The following ATXN8OS variants were observed in gnomAD, a reference collection of about 807,000 sequenced individuals.
ATXN8OS encodes ATXN8 opposite strand (non-protein coding).
At chr13:70,132,708 G>A (rs1888551381) in intron 3 of ATXN8OS, among the ~76,000 whole-genome samples, 2 of 152,128 alleles carry the variant, frequency 1.3e-5, no homozygotes, top group South Asian at 4.1e-4. Flanking sequence ...ACCCTAAATT[G>A]TGTGATTGAG....
At chr13:70,151,084 TAA>T (rs1454458915) in intron 4 of ATXN8OS, among the ~76,000 whole-genome samples, 2 of 152,224 alleles carry the variant, frequency 1.3e-5, no homozygotes, top group African/African-American at 4.8e-5. Flanking sequence ...ATCAAGGTAA[TAA>T]AAATATCTAT....
Position 70,115,027 on chromosome 13 carries a change from C to CGT in ATXN8OS, n.241-94_241-93dup, listed in dbSNP as rs36110832. 8.3e-3 allele frequency: 3,022 copies of CGT among 365,736 alleles called. 35 individuals carry two copies. Among genetic ancestry groups the CGT allele is most frequent in the African/African-American group, 0.04 (1,875 of 47,172 alleles). The allele number at this position is 365,736 out of a possible 1,614,324, so 22.7% of individuals were successfully genotyped here. On this transcript the variant is annotated intron_variant and non_coding_transcript_variant, in intron 1 of 4. Coordinates refer to ENST00000678624, the Ensembl canonical transcript of ATXN8OS. ...TCTCAAAATTGAGCTCTCTTTCTAA[C>CGT]GTGTGTGTGTGTGTGTGTGTGCATG...
At chr13:70,137,869 T>C (rs894202920) in intron 3 of ATXN8OS, among the ~76,000 whole-genome samples, 1 of 152,206 alleles carries the variant, frequency 6.6e-6, no homozygotes, top group African/African-American at 2.4e-5. Flanking sequence ...CACAGTTCCA[T>C]GGTCTGTACA....
chr13:70,130,527 T>C (rs1251881188), intron 3 of ATXN8OS, among the ~76,000 whole-genome samples: 4 of 152,120 alleles, frequency 2.6e-5, no homozygotes, highest in African/African-American at 9.7e-5. Context: ...CAGATATGCA[T>C]AATGTGATGT....
chr13:70,171,381 G>A (rs545742100), exon 5 of ATXN8OS, among the ~76,000 whole-genome samples: 1 of 152,142 alleles, frequency 6.6e-6, no homozygotes, highest in African/African-American at 2.4e-5. Flanking sequence ...CACTTAGCAT[G>A]AATAGAGCTA....
At chr13:70,171,530 C>A (rs987570909) in exon 5 of ATXN8OS, among the ~76,000 whole-genome samples, 1 of 152,070 alleles carries the variant, frequency 6.6e-6, no homozygotes, top group Non-Finnish European at 1.5e-5. Flanking sequence ...CACAAACACA[C>A]CAGAATGCAT....
At chr13:70,114,620 G>T (rs867608687) in intron 1 of ATXN8OS, among the ~76,000 whole-genome samples, 1 of 151,234 alleles carries the variant, frequency 6.6e-6, no homozygotes, top group Non-Finnish European at 1.5e-5. Flanking sequence ...TTTCTTCAAC[G>T]GTTATGTATG....
intron 3 of ATXN8OS, among the ~76,000 whole-genome samples, chr13:70,143,063 G>A (rs1405109852): frequency 1.4e-5 from 2 of 146,082 alleles, no homozygotes; most frequent in African/African-American, 2.5e-5. Flanking sequence ...GTGAAACTCC[G>A]TCTAAAAAAA....
chr13:70,166,456 A>C (rs1043983976), intron 4 of ATXN8OS, among the ~76,000 whole-genome samples: 8 of 151,928 alleles, frequency 5.3e-5, no homozygotes, highest in Non-Finnish European at 7.4e-5. Context: ...AAAACTGGCT[A>C]GCCATATGTA....
At chr13:70,117,156 T>C (rs936055240) in intron 2 of ATXN8OS, among the ~76,000 whole-genome samples, 6 of 152,060 alleles carry the variant, frequency 3.9e-5, no homozygotes, top group African/African-American at 7.2e-5. Flanking sequence ...AATGTTCTAT[T>C]ACACTAGAAA....
intron 1 of ATXN8OS, among the ~76,000 whole-genome samples, chr13:70,112,425 G>A (rs566752584): frequency 2.0e-5 from 3 of 152,074 alleles, no homozygotes; most frequent in African/African-American, 7.2e-5. Flanking sequence ...TTCCCAAAAT[G>A]ATTGAAACAT....
At chr13:70,145,314 G>A (rs879312963) in intron 3 of ATXN8OS, among the ~76,000 whole-genome samples, 1 of 151,950 alleles carries the variant, frequency 6.6e-6, no homozygotes, top group African/African-American at 2.4e-5. Flanking sequence ...TTTTGGCTTA[G>A]GATTGACTTG....
At chr13:70,149,692 A>G (rs1888838659) in intron 4 of ATXN8OS, among the ~76,000 whole-genome samples, 1 of 152,168 alleles carries the variant, frequency 6.6e-6, no homozygotes. Flanking sequence ...ATCTGGAATA[A>G]CAACAGCATG....
At chr13:70,158,424 C>G (rs1250386515) in intron 4 of ATXN8OS, among the ~76,000 whole-genome samples, 1 of 152,102 alleles carries the variant, frequency 6.6e-6, no homozygotes, top group Non-Finnish European at 1.5e-5. Flanking sequence ...CTCAAACAAA[C>G]AAGCAAACAA....
At chr13:70,143,476 T>C (rs1296722680) in intron 3 of ATXN8OS, among the ~76,000 whole-genome samples, 1 of 152,180 alleles carries the variant, frequency 6.6e-6, no homozygotes, top group Non-Finnish European at 1.5e-5. Flanking sequence ...TGTGCTCACG[T>C]CAAATGAAAA....
chr13:70,150,054 C>G (rs1007330428), intron 4 of ATXN8OS, among the ~76,000 whole-genome samples: 1 of 152,080 alleles, frequency 6.6e-6, no homozygotes, highest in Non-Finnish European at 1.5e-5. Flanking sequence ...CAGGTCTTCC[C>G]TTAAACACGA....
chr13:70,125,471 A>AGTATTCAATGGGTACTCAAATTTCC (rs1266268477), intron 2 of ATXN8OS, among the ~76,000 whole-genome samples: 18 of 152,182 alleles, frequency 1.2e-4, no homozygotes, highest in Non-Finnish European at 2.5e-4. Context: ...AACATCATCA[A>AGTATTCAATGGGTACTCAAATTTCC]GTATTCAATG....
At chr13:70,107,656 A>G, upstream of ATXN8OS, 3 of 1,545,398 alleles carry the variant, frequency 1.9e-6, no homozygotes, top group Non-Finnish European at 2.6e-6. Context: ...GCGGAGTCGC[A>G]GAATGTGCTT....
At chr13:70,131,031 T>TG (rs1318174299) in intron 3 of ATXN8OS, 2 of 398,414 alleles carry the variant, frequency 5.0e-6, no homozygotes, top group Non-Finnish European at 8.8e-6. Context: ...AGTTAGGAAG[T>TG]GAAATTCTCA....
Sources: gnomAD v4.1 joint callset for allele counts (sites outside exome capture counted in the v4.1 genomes callset) on GRCh38, gnomAD v4.1.1 for gene constraint, MANE v1.5 for transcripts, NCBI Gene and HGNC (gene_info 2026-07-23, HGNC 2026-07-21) for gene names.